The following FGD4 variants were observed in gnomAD, a reference collection of about 807,000 sequenced individuals.
FGD4 encodes the protein FYVE, RhoGEF and PH domain containing 4.
A neutral mutation model predicts 102.0 loss-of-function variants in FGD4; 42 were observed. The ratio of observed to expected loss-of-function variants is 0.41; its 90% confidence interval spans 0.32 to 0.53. FGD4 has a LOEUF of 0.53. FGD4 is among the 20% of genes least tolerant of loss of function. FGD4 has a pLI of 0.21. For missense variants in FGD4, 902 were observed against 1,078.2 expected (o/e 0.84, Z 2.29); for synonymous variants, 380 against 375.7 (o/e 1.01, Z -0.13).
chr12:32,443,025 T>C (rs1942496597), intron 1 of FGD4, among the ~76,000 whole-genome samples: 1 of 152,236 alleles, frequency 6.6e-6, no homozygotes, highest in African/African-American at 2.4e-5. Context: ...TTAATTTGGT[T>C]GTTTTCTTGC....
rs534563258 is a variant in FGD4, at chr12:32,611,579, G to A, written c.1749+296G>A. On this transcript the variant is annotated intron_variant, in intron 10 of 16. Coordinates refer to ENST00000534526, the MANE Select transcript of FGD4 (RefSeq NM_001370298.3). ...TGCACTCCAGTCTGAATGACAGAGC[G>A]AGACTCCATCTAAAAAAAAGGAATT... 4.6e-5 allele frequency among the ~76,000 whole-genome samples: 7 copies of A among 152,238 alleles called. No individual in the cohort carries two copies. The East Asian group carries it at 7.7e-4, about 17-fold the overall frequency.
At chr12:32,478,893 AT>A (rs1943650975) in intron 1 of FGD4, among the ~76,000 whole-genome samples, 1 of 152,168 alleles carries the variant, frequency 6.6e-6, no homozygotes, top group African/African-American at 2.4e-5. Context: ...CCTTCTGGAT[AT>A]TCTCCATCCC....
chr12:32,626,299 C>G (rs529581820), intron 14 of FGD4, among the ~76,000 whole-genome samples: 4 of 152,244 alleles, frequency 2.6e-5, no homozygotes, highest in Middle Eastern at 3.4e-3. Flanking sequence ...ACAAAATTAG[C>G]CAGGCGTGGC....
At chr12:32,455,982 C>T (rs762758151) in intron 1 of FGD4, among the ~76,000 whole-genome samples, 9 of 152,260 alleles carry the variant, frequency 5.9e-5, no homozygotes, top group South Asian at 2.1e-4. Context: ...TTTCAGTGGA[C>T]GAGTGCACTT....
Position 32,640,614 on chromosome 12 carries a change from A to C in FGD4, c.*81A>C. ...TCCCAGCTCTTCTTACACATCTGCTAGCACTTTATGTTGAAAAATATAGGC... is the reference window on the plus strand; with the variant it reads ...TCCCAGCTCTTCTTACACATCTGCTCGCACTTTATGTTGAAAAATATAGGC... On this transcript the variant is annotated 3_prime_UTR_variant, in exon 17 of 17. Coordinates refer to ENST00000534526, the MANE Select transcript of FGD4 (RefSeq NM_001370298.3). 1 of 1,597,396 alleles carries C rather than the reference A, an allele frequency of 6.3e-7. No individual in the cohort carries two copies. The highest frequency in any genetic ancestry group is 8.6e-7 in the Non-Finnish European group (1 of 1,169,282).
chr12:32,540,277 G>A (rs576730878), intron 1 of FGD4, among the ~76,000 whole-genome samples: 1 of 152,276 alleles, frequency 6.6e-6, no homozygotes, highest in Non-Finnish European at 1.5e-5. Context: ...AATATGTTTG[G>A]AGAATAGAAA....
chr12:32,460,219 G>C (rs535658476), intron 1 of FGD4, among the ~76,000 whole-genome samples: 2 of 152,236 alleles, frequency 1.3e-5, no homozygotes, highest in Non-Finnish European at 2.9e-5. Context: ...CTTATTAAAA[G>C]TGCTGTTTTT....
chr12:32,416,353 T>G (rs1327799273), intron 1 of FGD4, among the ~76,000 whole-genome samples: 1 of 152,206 alleles, frequency 6.6e-6, no homozygotes, highest in Non-Finnish European at 1.5e-5. Flanking sequence ...AGTGTTATTA[T>G]TGGTAGGTAA....
chr12:32,572,946 G>C (rs1324909996), intron 2 of FGD4, among the ~76,000 whole-genome samples: 1 of 152,154 alleles, frequency 6.6e-6, no homozygotes, highest in African/African-American at 2.4e-5. Flanking sequence ...AATTTGTTTG[G>C]TTGCCCAGAA....
At chr12:32,527,007 G>C (rs951334614) in intron 1 of FGD4, among the ~76,000 whole-genome samples, 1 of 152,084 alleles carries the variant, frequency 6.6e-6, no homozygotes, top group African/African-American at 2.4e-5. Context: ...TAATAATCTA[G>C]TATAGATTAA....
intron 1 of FGD4, among the ~76,000 whole-genome samples, chr12:32,434,769 A>C (rs1473337615): frequency 6.6e-6 from 1 of 151,880 alleles, no homozygotes; most frequent in Non-Finnish European, 1.5e-5. Flanking sequence ...ATTTATTCTG[A>C]TGCAAAAATC....
chr12:32,527,897 T>A (rs1054894924), intron 1 of FGD4, among the ~76,000 whole-genome samples: 6 of 152,186 alleles, frequency 3.9e-5, no homozygotes, highest in African/African-American at 1.4e-4. Context: ...TCTAGTATTA[T>A]ATATTTTTTG....
intron 7 of FGD4, among the ~76,000 whole-genome samples, chr12:32,604,935 G>GTTTTTTTTT (rs1565897132): frequency 2.7e-5 from 2 of 74,940 alleles, no homozygotes; most frequent in African/African-American, 1.7e-4. Context: ...CTTTATAGCT[G>GTTTTTTTTT]CTTTTTTTTT....
chr12:32,596,786 T>G (rs1466239215), intron 4 of FGD4, among the ~76,000 whole-genome samples: 1 of 151,688 alleles, frequency 6.6e-6, no homozygotes, highest in Non-Finnish European at 1.5e-5. Context: ...AAATACAAAA[T>G]TAGCCGGCCG....
intron 1 of FGD4, among the ~76,000 whole-genome samples, chr12:32,498,563 G>A (rs1336272582): frequency 6.6e-6 from 1 of 152,094 alleles, no homozygotes; most frequent in Non-Finnish European, 1.5e-5. Context: ...TTCTCAAATG[G>A]TGCTAAATTG....
chr12:32,457,069 A>T (rs1374314612), intron 1 of FGD4, among the ~76,000 whole-genome samples: 3 of 152,170 alleles, frequency 2.0e-5, no homozygotes, highest in Non-Finnish European at 4.4e-5. Flanking sequence ...GGACTTGATG[A>T]AGGGATTGAG....
intron 16 of FGD4, 189 bp downstream of exon 16, chr12:32,638,984 C>T: frequency 7.0e-7 from 1 of 1,428,876 alleles, no homozygotes; most frequent in Non-Finnish European, 9.2e-7. Context: ...CCTATATTTT[C>T]TTCAGTTTGT....
intron 4 of FGD4, among the ~76,000 whole-genome samples, chr12:32,591,008 A>C (rs1261403483): frequency 1.3e-5 from 2 of 152,188 alleles, no homozygotes; most frequent in African/African-American, 4.8e-5. Context: ...TTGTGACAAG[A>C]CATATAAAAT....
chr12:32,606,176 A>T (rs1948766696), intron 7 of FGD4, among the ~76,000 whole-genome samples: 1 of 152,184 alleles, frequency 6.6e-6, no homozygotes, highest in Non-Finnish European at 1.5e-5. Flanking sequence ...TGAGATATTT[A>T]AATTTATATA....
Sources: gnomAD v4.1 joint callset for allele counts (sites outside exome capture counted in the v4.1 genomes callset) on GRCh38, gnomAD v4.1.1 for gene constraint, MANE v1.5 for transcripts, NCBI Gene and HGNC (gene_info 2026-07-23, HGNC 2026-07-21) for gene names.